The following LRRTM4 variants were observed in gnomAD, a reference collection of about 807,000 sequenced individuals.
LRRTM4 encodes the protein leucine rich repeat transmembrane neuronal 4.
LRRTM4 carries 25 observed loss-of-function variants against 47.6 expected under a neutral mutation model. That is an observed-to-expected ratio of 0.53 (90% CI 0.38 to 0.73). The LOEUF (loss-of-function observed/expected upper bound fraction) is 0.73, where lower values mean the gene tolerates loss of function less well. LRRTM4 is among the 30% of genes least tolerant of loss of function. LRRTM4 has a pLI of 0.00. For missense variants in LRRTM4, 638 were observed against 713.4 expected (o/e 0.89, Z 1.20); for synonymous variants, 311 against 269.5 (o/e 1.15, Z -1.51).
chr2:76,832,991 A>T (rs962282336), intron 3 of LRRTM4, among the ~76,000 whole-genome samples: 2 of 152,082 alleles, frequency 1.3e-5, no homozygotes, highest in Non-Finnish European at 2.9e-5. Context: ...ACTATTAGCA[A>T]AACTGGAAAG....
chr2:77,469,510 C>T (rs1431922498), intron 3 of LRRTM4, among the ~76,000 whole-genome samples: 1 of 152,122 alleles, frequency 6.6e-6, no homozygotes, highest in African/African-American at 2.4e-5. Context: ...GCCAGGTTAA[C>T]ACATAAATCA....
chr2:77,196,006 C>T (rs1205023796), intron 3 of LRRTM4, among the ~76,000 whole-genome samples: 1 of 152,104 alleles, frequency 6.6e-6, no homozygotes, highest in East Asian at 1.9e-4. Flanking sequence ...GAAACTAATC[C>T]TTCTCATTAT....
At chr2:76,814,720 G>A (rs547291264) in intron 3 of LRRTM4, among the ~76,000 whole-genome samples, 1 of 151,852 alleles carries the variant, frequency 6.6e-6, no homozygotes, top group Non-Finnish European at 1.5e-5. Flanking sequence ...ATCCTCAGGA[G>A]TCTTGGAGCC....
chr2:77,295,711 C>T (rs576142299), intron 3 of LRRTM4, among the ~76,000 whole-genome samples: 12 of 152,270 alleles, frequency 7.9e-5, no homozygotes, highest in African/African-American at 2.6e-4. Context: ...AGGTGGCCAT[C>T]TCCTCCCTTT....
chr2:77,031,514 A>C (rs1348373526), intron 3 of LRRTM4, among the ~76,000 whole-genome samples: 1 of 152,178 alleles, frequency 6.6e-6, no homozygotes, highest in Non-Finnish European at 1.5e-5. Context: ...TACTGAAATC[A>C]CTGGAACAAT....
intron 3 of LRRTM4, among the ~76,000 whole-genome samples, chr2:76,808,457 G>T (rs1222575953): frequency 1.5e-5 from 2 of 130,630 alleles, no homozygotes; most frequent in Admixed American, 7.7e-5. Context: ...AAAAAAAAAA[G>T]AATACATAGA....
At chr2:76,909,205 C>T (rs1208654038) in intron 3 of LRRTM4, among the ~76,000 whole-genome samples, 1 of 152,180 alleles carries the variant, frequency 6.6e-6, no homozygotes, top group Admixed American at 6.5e-5. Flanking sequence ...CTACAACTAT[C>T]TGATCTTTGA....
intron 3 of LRRTM4, among the ~76,000 whole-genome samples, chr2:77,477,102 A>C (rs1299196882): frequency 6.6e-6 from 1 of 152,074 alleles, no homozygotes; most frequent in Non-Finnish European, 1.5e-5. Flanking sequence ...GGCTGAGAGC[A>C]AGAGGACAAG....
chr2:77,405,466 T>C (rs766614608), intron 3 of LRRTM4, among the ~76,000 whole-genome samples: 11 of 152,110 alleles, frequency 7.2e-5, no homozygotes, highest in African/African-American at 9.7e-5. Context: ...TCTCAGACTT[T>C]GAAAGTTAGC....
intron 3 of LRRTM4, among the ~76,000 whole-genome samples, chr2:77,216,437 T>G (rs1053209477): frequency 6.8e-6 from 1 of 146,148 alleles, no homozygotes; most frequent in African/African-American, 2.5e-5. Flanking sequence ...GAGGCCGAGG[T>G]GGGCGGATCA....
chr2:77,013,431 T>C (rs1483906393), intron 3 of LRRTM4, among the ~76,000 whole-genome samples: 1 of 152,082 alleles, frequency 6.6e-6, no homozygotes, highest in Non-Finnish European at 1.5e-5. Flanking sequence ...AAAATCGCCT[T>C]GTAATGAGCA....
chr2:77,279,719 A>G (rs976312626), intron 3 of LRRTM4, among the ~76,000 whole-genome samples: 1 of 151,952 alleles, frequency 6.6e-6, no homozygotes, highest in Non-Finnish European at 1.5e-5. Flanking sequence ...TAAAACCCCC[A>G]TATGTCTGTC....
chr2:77,362,992 G>C (rs538986491), intron 3 of LRRTM4, among the ~76,000 whole-genome samples: 1 of 151,934 alleles, frequency 6.6e-6, no homozygotes, highest in Non-Finnish European at 1.5e-5. Flanking sequence ...CATCCATATG[G>C]GTAGTATTAC....
At chr2:76,901,249 T>C (rs1235538872) in intron 3 of LRRTM4, among the ~76,000 whole-genome samples, 1 of 152,108 alleles carries the variant, frequency 6.6e-6, no homozygotes, top group African/African-American at 2.4e-5. Context: ...CCCCTTCCTG[T>C]GTCCATGTGA....
intron 3 of LRRTM4, among the ~76,000 whole-genome samples, chr2:77,255,153 T>C (rs1675728537): frequency 6.6e-6 from 1 of 151,948 alleles, no homozygotes; most frequent in African/African-American, 2.4e-5. Context: ...GTACACTTCA[T>C]GGAAAACAAA....
At chr2:76,925,236 C>T (rs1295086349) in intron 3 of LRRTM4, among the ~76,000 whole-genome samples, 1 of 152,150 alleles carries the variant, frequency 6.6e-6, no homozygotes, top group East Asian at 1.9e-4. Context: ...TGCTTTCCTA[C>T]TCTTCATGAA....
intron 3 of LRRTM4, among the ~76,000 whole-genome samples, chr2:77,029,996 T>G (rs903014008): frequency 1.4e-4 from 22 of 152,202 alleles, no homozygotes; most frequent in African/African-American, 4.8e-4. Context: ...GGTCTAGTAG[T>G]CAGCCCATGG....
intron 3 of LRRTM4, among the ~76,000 whole-genome samples, chr2:77,092,411 G>T (rs1004677025): frequency 6.7e-6 from 1 of 149,362 alleles, no homozygotes; most frequent in Non-Finnish European, 1.5e-5. Flanking sequence ...GGCAGGTTAT[G>T]CTATAGTACA....
intron 3 of LRRTM4, among the ~76,000 whole-genome samples, chr2:77,429,723 G>A (rs1249806398): frequency 1.3e-5 from 2 of 152,110 alleles, no homozygotes; most frequent in East Asian, 1.9e-4. Context: ...AGGGGTGGGG[G>A]AAATATTGAT....
Sources: gnomAD v4.1 joint callset for allele counts (sites outside exome capture counted in the v4.1 genomes callset) on GRCh38, gnomAD v4.1.1 for gene constraint, MANE v1.5 for transcripts, NCBI Gene and HGNC (gene_info 2026-07-23, HGNC 2026-07-21) for gene names.